The following EYS variants were observed in gnomAD, a reference collection of about 807,000 sequenced individuals.
EYS encodes protein eyes shut homolog.
EYS carries 250 observed loss-of-function variants against 282.1 expected under a neutral mutation model. That is an observed-to-expected ratio of 0.89 (90% CI 0.80 to 0.98). The LOEUF (loss-of-function observed/expected upper bound fraction) is 0.98, where lower values mean the gene tolerates loss of function less well. EYS is among the 50% of genes least tolerant of loss of function. The probability of loss-of-function intolerance (pLI) is 0.00; values close to 1 mark genes in which losing one functional copy is unlikely to be tolerated. For synonymous variants in EYS, 1,355 were observed against 1,282.9 expected (o/e 1.06, Z -1.20); for missense variants, 4,016 against 3,709.0 (o/e 1.08, Z -2.15).
chr6:63,784,867 A>G (rs1770324686), intron 39 of EYS, among the ~76,000 whole-genome samples: 1 of 152,226 alleles, frequency 6.6e-6, no homozygotes, highest in Non-Finnish European at 1.5e-5. Context: ...ATAATTCATT[A>G]GCATGGCAAT....
chr6:64,660,063 G>A (rs1217226502), intron 22 of EYS, among the ~76,000 whole-genome samples: 3 of 152,136 alleles, frequency 2.0e-5, no homozygotes, highest in Non-Finnish European at 4.4e-5. Flanking sequence ...TCATCCCTGG[G>A]ATGCAAGGCT....
chr6:65,519,703 TA>T (rs1253591130), intron 2 of EYS, among the ~76,000 whole-genome samples: 799 of 49,718 alleles, frequency 0.016, 46 homozygotes, highest in African/African-American at 0.077. Context: ...TATATATATA[TA>T]TATATTTTTT....
chr6:64,717,251 T>A (rs534997396), intron 22 of EYS, among the ~76,000 whole-genome samples: 2 of 152,206 alleles, frequency 1.3e-5, no homozygotes, highest in Non-Finnish European at 2.9e-5. Flanking sequence ...CAGTCACTAA[T>A]AGGGATTTGA....
At chr6:64,555,789 A>C (rs772503566) in intron 26 of EYS, among the ~76,000 whole-genome samples, 1 of 152,002 alleles carries the variant, frequency 6.6e-6, no homozygotes, top group African/African-American at 2.4e-5. Flanking sequence ...AAATTATCAC[A>C]TGTATATTGA....
chr6:65,503,812 C>T lies in EYS; in HGVS notation c.-332-7819G>A, dbSNP rs114447584. Among the ~76,000 whole-genome samples the T allele has an allele frequency of 3.9e-3, 594 of 151,768 alleles. 9 individuals are homozygous for T. Among genetic ancestry groups the T allele is most frequent in the African/African-American group, 0.013 (547 of 41,504 alleles). ...GGACTATCTATTCTGTTCCATTGAT[C>T]TACATGCTTGTTCTTTTGTCAATAC... On this transcript the variant is annotated intron_variant, in intron 2 of 42. Coordinates refer to ENST00000503581, the MANE Select transcript of EYS (RefSeq NM_001142800.2).
chr6:63,866,807 G>C (rs1327080493), intron 35 of EYS, among the ~76,000 whole-genome samples: 2 of 152,198 alleles, frequency 1.3e-5, no homozygotes, highest in Non-Finnish European at 2.9e-5. Context: ...TATCCCATTA[G>C]CACCTCATTA....
chr6:64,138,620 T>C lies in EYS; in HGVS notation c.6425-56618A>G, dbSNP rs138023244. ...CAATTAAATAGGGCATTTGGGAGAG[T>C]GCTGCTGATTTAGAACCACTGTCCC... On this transcript the variant is annotated intron_variant, in intron 31 of 42. Coordinates refer to ENST00000503581, the MANE Select transcript of EYS (RefSeq NM_001142800.2). Among the ~76,000 whole-genome samples the C allele has an allele frequency of 2.6e-5, 4 of 152,088 alleles. No homozygotes were observed. The East Asian group carries it at 7.7e-4, about 29-fold the overall frequency.
Position 63,810,284 on chromosome 6 carries a change from C to A in EYS, c.7229-3912G>T, listed in dbSNP as rs371661911. ...TCAAAAAAAAAAAAAAAACAAAAAA[C>A]CAAAACAAAGACAAAAACAACCCCC... On this transcript the variant is annotated intron_variant, in intron 36 of 42. Transcript: ENST00000503581. Among the ~76,000 whole-genome samples the A allele has an allele frequency of 1.2e-4, 17 of 146,304 alleles. 1 individual carries two copies. In the South Asian group the frequency reaches 1.5e-3, roughly 13 times the overall value.
At chr6:63,930,013 AC>A (rs1764838496) in intron 35 of EYS, among the ~76,000 whole-genome samples, 1 of 152,100 alleles carries the variant, frequency 6.6e-6, no homozygotes. Flanking sequence ...TTGACTTCCT[AC>A]CGTGTGAGAT....
rs115254698 is a variant in EYS, at chr6:64,542,098, G to T, written c.5644+48125C>A. Among the ~76,000 whole-genome samples, 1,517 of 152,118 alleles carry T rather than the reference G, an allele frequency of 1.0e-2. 20 individuals carry two copies. The highest frequency in any genetic ancestry group is 0.035 in the African/African-American group (1,439 of 41,530). On this transcript the variant is annotated intron_variant, in intron 26 of 42. Coordinates refer to ENST00000503581, the MANE Select transcript of EYS (RefSeq NM_001142800.2). ...TGCAAAGATAAATAGAAATCAGAAA[G>T]CTCTGAATATTAGTTGTCAAAAATA...
intron 1 of EYS, among the ~76,000 whole-genome samples, chr6:65,665,561 T>A (rs1768168029): frequency 6.6e-6 from 1 of 152,168 alleles, no homozygotes; most frequent in Non-Finnish European, 1.5e-5. Flanking sequence ...CAGTCTATGC[T>A]ACTTAGGTAT....
At chr6:65,377,659 T>A in intron 8 of EYS, among the ~76,000 whole-genome samples, 1 of 149,400 alleles carries the variant, frequency 6.7e-6, no homozygotes, top group South Asian at 2.1e-4. Context: ...GAGAGAAAAA[T>A]CAAACAGACA....
chr6:64,326,411 G>A (rs910204835), intron 29 of EYS, among the ~76,000 whole-genome samples: 7 of 152,170 alleles, frequency 4.6e-5, no homozygotes, highest in Non-Finnish European at 8.8e-5. Flanking sequence ...AAGAAATGTT[G>A]TAATGCTGCC....
At chr6:65,038,694 T>G (rs1772841607) in intron 13 of EYS, among the ~76,000 whole-genome samples, 1 of 151,510 alleles carries the variant, frequency 6.6e-6, no homozygotes, top group South Asian at 2.1e-4. Flanking sequence ...ATCAACAATT[T>G]TATCTTTTTA....
rs1768325431 is a variant in EYS, at chr6:63,720,364, G to A, written c.*232C>T. 2.2e-6 allele frequency: 1 copy of A among 461,416 alleles called. No homozygotes were observed. Among genetic ancestry groups the A allele is most frequent in the African/African-American group, 2.0e-5 (1 of 49,384 alleles). 28.6% of individuals were successfully genotyped at this position (461,416 alleles called of 1,614,324 possible). ...TAAGCACATTCTGTGAATAAGCACT[G>A]AACTAATGGAGTTAAAACATGAATC... On this transcript the variant is annotated 3_prime_UTR_variant, in exon 43 of 43. Coordinates refer to ENST00000503581, the MANE Select transcript of EYS (RefSeq NM_001142800.2).
In EYS at chr6:64,502,253, T is replaced by TTTTG. The variant is rs1421563835; in HGVS notation, c.5645-62902_5645-62901insCAAA. ...TTTTGTTTTGTTTTGTTTTGTTTTGTTTTTTTTGCCGGAGTCTCCCTCTGT... is the reference window on the plus strand; with the variant it reads ...TTTTGTTTTGTTTTGTTTTGTTTTGTTTTGTTTTTTTGCCGGAGTCTCCCTCTGT... On this transcript the variant is annotated intron_variant, in intron 26 of 42. Transcript: ENST00000503581. Among the ~76,000 whole-genome samples, 53 of 74,160 alleles carry TTTTG rather than the reference T, an allele frequency of 7.1e-4. No individual in the cohort carries two copies. The Middle Eastern group carries it at 0.023, about 32-fold the overall frequency. The allele number at this position is 74,160 out of a possible 152,430, so 48.7% of individuals were successfully genotyped here. A position where few individuals can be genotyped will look rare whatever the true frequency, so the allele number is the denominator to read the frequency against.
intron 12 of EYS, among the ~76,000 whole-genome samples, chr6:65,065,301 G>A (rs1413170528): frequency 6.6e-6 from 1 of 151,996 alleles, no homozygotes; most frequent in Non-Finnish European, 1.5e-5. Context: ...TCTGCTAATG[G>A]CTTTAGGCCA....
intron 29 of EYS, among the ~76,000 whole-genome samples, chr6:64,348,406 T>G (rs929854535): frequency 2.9e-5 from 3 of 101,890 alleles, no homozygotes; most frequent in Non-Finnish European, 3.9e-5. Context: ...TTATGCAAGC[T>G]GAGCTCAGTT....
At chr6:65,330,047 C>A in intron 11 of EYS, 1 of 984,386 alleles carries the variant, frequency 1.0e-6, no homozygotes. Context: ...AGAAGACACA[C>A]TGCTATAATC....
Sources: allele counts gnomAD v4.1 joint callset (sites outside exome capture counted in the v4.1 genomes callset), GRCh38; gene constraint gnomAD v4.1.1; transcripts MANE v1.5; gene names NCBI Gene and HGNC (gene_info 2026-07-23, HGNC 2026-07-21).